Variants in DNAH7 observed in about 807,000 individuals in gnomAD.
The protein encoded by DNAH7 is dynein axonemal heavy chain 7.
In DNAH7, 397 loss-of-function variants were observed where a neutral mutation model predicts 444.6. The ratio of observed to expected loss-of-function variants is 0.89; its 90% CI spans 0.82 to 0.97. The LOEUF is 0.97. Ranked by LOEUF, DNAH7 falls within the 50% of genes least tolerant of loss-of-function variation. DNAH7 has a pLI of 0.00. For missense variants in DNAH7, 4,902 were observed against 4,800.8 expected, an observed-to-expected ratio of 1.02 and a Z score of -0.62; for synonymous variants, 1,636 against 1,624.4, an observed-to-expected ratio of 1.01 and a Z score of -0.17.
At chr2:195,793,831 G>A (rs548397311) in intron 57 of DNAH7, among the ~76,000 whole-genome samples, 180 of 152,194 alleles carry the variant, frequency 1.2e-3, no homozygotes, top group Admixed American at 4.1e-3. Flanking sequence ...AGACATTCAC[G>A]TACACAATTC....
chr2:195,998,433 G>A (rs551421304), intron 12 of DNAH7, among the ~76,000 whole-genome samples: 3 of 152,104 alleles, frequency 2.0e-5, no homozygotes, highest in East Asian at 3.9e-4. Context: ...AAATAGCCAC[G>A]CATGGTGGCG....
chr2:195,864,287 G>T lies in DNAH7; in HGVS notation c.7368C>A (p.Ala2456=). Residue 2456 remains alanine (A), a synonymous_variant, in exon 41 of 65, where the codon GCC becomes GCA. Coordinates refer to ENST00000312428, the MANE Select transcript of DNAH7 (RefSeq NM_018897.3). ...AATGATCAATAAACATGTTGAAAAG[G>T]GCTATGGGGCTGCCATCTGTTTGCT... ...KTKQTDGSPI[A]LFNMFIDHCR... is the part of the protein sequence containing the mutation. 1 of 1,614,110 alleles carries T rather than the reference G, an allele frequency of 6.2e-7. No individual in the cohort carries two copies. The highest frequency in any genetic ancestry group is 1.1e-5 in the South Asian group (1 of 91,082).
At chr2:195,774,770 C>A (rs577279458) in intron 60 of DNAH7, among the ~76,000 whole-genome samples, 53 of 152,306 alleles carry the variant, frequency 3.5e-4, no homozygotes, top group Non-Finnish European at 6.0e-4. Context: ...CTTGGAACAG[C>A]ACTAGTACAG....
intron 48 of DNAH7, 70 bp downstream of exon 48, chr2:195,834,136 A>G: frequency 6.8e-7 from 1 of 1,467,638 alleles, no homozygotes; most frequent in Non-Finnish European, 9.2e-7. Flanking sequence ...GAAACAATCT[A>G]TACAGTTTTG....
At chr2:196,009,879 T>G (rs973403227) in intron 10 of DNAH7, among the ~76,000 whole-genome samples, 2 of 152,112 alleles carry the variant, frequency 1.3e-5, no homozygotes, top group African/African-American at 4.8e-5. Context: ...CAAAATAAAA[T>G]GTACAAATAG....
intron 23 of DNAH7, among the ~76,000 whole-genome samples, chr2:195,922,994 T>C (rs1040280589): frequency 2.3e-4 from 35 of 152,204 alleles, no homozygotes; most frequent in African/African-American, 8.4e-4. Context: ...CTCAAGTAGC[T>C]GGGGCTACAA....
chr2:195,960,334 C>T lies in DNAH7; in HGVS notation c.2817G>A (p.Leu939=). ...ILASVDEIQM[L]LDDHIIKTQT... ...GTGTTTTAATAATATGGTCATCCAA[C>T]AACATCTGAATTTCATCAACTGATG... is the stretch of plus-strand genomic sequence containing the variant. The change falls in exon 18 of 65, where the codon TTG becomes TTA. Residue 939 remains leucine, a synonymous_variant. Transcript: ENST00000312428. The T allele has an allele frequency of 6.2e-7, 1 of 1,613,926 alleles. No homozygotes were observed. The highest frequency in any genetic ancestry group is 1.3e-5 in the African/African-American group (1 of 75,026).
At chr2:195,990,480 T>C (rs1693223607) in intron 12 of DNAH7, among the ~76,000 whole-genome samples, 2 of 152,076 alleles carry the variant, frequency 1.3e-5, no homozygotes, top group East Asian at 1.9e-4. Context: ...CTGAGCAATA[T>C]GGCAAAACCC....
intron 12 of DNAH7, chr2:195,995,203 C>T (rs1459876666): frequency 8.1e-6 from 3 of 370,342 alleles, no homozygotes; most frequent in East Asian, 1.4e-4. Flanking sequence ...GCTGGGATTA[C>T]AGGCATGAGC....
chr2:195,969,890 G>A (rs999415737), intron 17 of DNAH7, 58 bp downstream of exon 17: 29 of 1,532,442 alleles, frequency 1.9e-5, no homozygotes, highest in Non-Finnish European at 2.2e-5. Context: ...TAACTAAAAC[G>A]AATTCAATGC....
chr2:195,899,444 C>T (rs1378634433), intron 28 of DNAH7, among the ~76,000 whole-genome samples: 2 of 152,176 alleles, frequency 1.3e-5, no homozygotes, highest in African/African-American at 2.4e-5. Flanking sequence ...ACAATCTAAT[C>T]CTGACATGCC....
At chr2:195,903,602 G>A (rs1381046528) in intron 27 of DNAH7, 1 of 152,078 alleles carries the variant, frequency 6.6e-6, no homozygotes, top group African/African-American at 2.4e-5. Flanking sequence ...GCTTTATTAT[G>A]CAGATTTTGT....
intron 57 of DNAH7, among the ~76,000 whole-genome samples, chr2:195,790,213 G>C (rs1221662970): frequency 6.6e-6 from 1 of 152,092 alleles, no homozygotes; most frequent in Non-Finnish European, 1.5e-5. Flanking sequence ...CATGCTCATG[G>C]ACTGGAAGAA....
rs1245212808 is a variant in DNAH7, at chr2:195,771,976, TAAGA to T, written c.11203-90_11203-87del. The T allele has an allele frequency of 4.6e-5, 53 of 1,143,512 alleles. No homozygotes were observed. The South Asian group carries it at 6.5e-4, about 14-fold the overall frequency. 70.8% of individuals were successfully genotyped at this position (1,143,512 alleles called of 1,614,324 possible). A position where few individuals can be genotyped will look rare whatever the true frequency, so the allele number is the denominator to read the frequency against. On this transcript the variant is annotated intron_variant, in intron 60 of 64. Transcript: ENST00000312428. ...GGAAAAATCCTAAGGTAAATCTTTATAAGAAAGAACATTGCTCTCTATTTTATCC... is the reference window on the plus strand; with the variant it reads ...GGAAAAATCCTAAGGTAAATCTTTATAAGAACATTGCTCTCTATTTTATCC...
chr2:195,911,671 T>A (rs1687366526), intron 24 of DNAH7, among the ~76,000 whole-genome samples: 1 of 152,218 alleles, frequency 6.6e-6, no homozygotes, highest in Non-Finnish European at 1.5e-5. Context: ...TAGCCATGGA[T>A]GCCAGGAGAA....
chr2:195,936,733 A>G lies in DNAH7; in HGVS notation c.3138T>C (p.Ser1046=). ...TAAGAATGAGCTCCAAAAGTTCATT[A>G]GATTTTTTCAGCCTTTCCAGCATTC... is the stretch of plus-strand genomic sequence containing the variant. ...IDRMLERLKK[S]NELLELILKG... is the part of the protein sequence containing the mutation. Residue 1046 remains serine (S), a synonymous_variant, in exon 20 of 65, where the codon TCT becomes TCC. Coordinates refer to ENST00000312428, the MANE Select transcript of DNAH7 (RefSeq NM_018897.3). 6.3e-7 allele frequency: 1 copy of G among 1,599,988 alleles called. No individual in the cohort carries two copies. Among genetic ancestry groups the G allele is most frequent in the Non-Finnish European group, 8.5e-7 (1 of 1,174,506 alleles).
At chr2:196,013,019 T>C in intron 9 of DNAH7, 113 bp from the exon 10 acceptor site, 1 of 709,770 alleles carries the variant, frequency 1.4e-6, no homozygotes. Context: ...TCATTAAAAA[T>C]TGTGTTCTAT....
At chr2:196,021,501 G>A (rs964834693) in intron 8 of DNAH7, among the ~76,000 whole-genome samples, 5 of 151,954 alleles carry the variant, frequency 3.3e-5, no homozygotes, top group African/African-American at 9.7e-5. Flanking sequence ...AGTCTATTAA[G>A]CAGGCAATGG....
At chr2:195,838,858 A>G (rs1352371453) in intron 47 of DNAH7, among the ~76,000 whole-genome samples, 1 of 151,980 alleles carries the variant, frequency 6.6e-6, no homozygotes, top group Non-Finnish European at 1.5e-5. Flanking sequence ...ATATGCAACA[A>G]CAAAAGGGTC....
Sources: gnomAD v4.1 joint callset for allele counts (sites outside exome capture counted in the v4.1 genomes callset) on GRCh38, gnomAD v4.1.1 for gene constraint, MANE v1.5 for transcripts, NCBI Gene and HGNC (gene_info 2026-07-23, HGNC 2026-07-21) for gene names.